Variants in ADAMTS12 observed in about 807,000 individuals in gnomAD.
ADAMTS12 encodes ADAM metallopeptidase with thrombospondin type 1 motif 12.
ADAMTS12 carries 118 observed loss-of-function variants against 167.8 expected under a neutral mutation model. The observed-to-expected ratio is 0.70, with a 90% CI of 0.61 to 0.82. The LOEUF (loss-of-function observed/expected upper bound fraction) is 0.82. Ranked by LOEUF, ADAMTS12 falls within the 40% of genes least tolerant of loss-of-function variation. The pLI is 0.00. For synonymous variants in ADAMTS12, 704 were observed against 716.9 expected (o/e 0.98, Z 0.29); for missense variants, 1,916 against 1,998.8 (o/e 0.96, Z 0.79).
chr5:33,615,796 C>T (rs1554027521), intron 15 of ADAMTS12, 32 bp downstream of exon 15: 17 of 1,612,576 alleles, frequency 1.1e-5, no homozygotes, highest in Non-Finnish European at 1.2e-5. Flanking sequence ...AACTAGCACA[C>T]ATGTCAGCAG....
At chr5:33,680,996 C>G (rs530319047) in intron 5 of ADAMTS12, among the ~76,000 whole-genome samples, 1 of 152,294 alleles carries the variant, frequency 6.6e-6, no homozygotes, top group Admixed American at 6.5e-5. Context: ...TCTAACTTTA[C>G]CACATCTGTG....
chr5:33,658,191 C>T lies in ADAMTS12; in HGVS notation c.1183G>A (p.Gly395Arg), dbSNP rs1173456335. 6.2e-7 allele frequency: 1 copy of T among 1,613,314 alleles called. No individual in the cohort carries two copies. The highest frequency in any genetic ancestry group is 1.3e-5 in the African/African-American group (1 of 74,868). ...CTATCATTGGCCCTTTACCTGTGTC[C>T]TAGCTCATGGGCAATTGTGAAAGCC... ...PLAFTIAHEL[G>R]HSFGIQHDGK... is the part of the protein sequence containing the mutation. The change falls in exon 7 of 24, where the codon GGA becomes AGA. Residue 395 changes from glycine (G) to arginine (R), a missense_variant. Transcript: ENST00000504830.
At chr5:33,677,954 A>G (rs1390068101) in intron 5 of ADAMTS12, among the ~76,000 whole-genome samples, 1 of 152,170 alleles carries the variant, frequency 6.6e-6, no homozygotes, top group Non-Finnish European at 1.5e-5. Context: ...ACTGACAAAC[A>G]TGCATTTTAT....
chr5:33,880,877 G>C, intron 2 of ADAMTS12: 1 of 485,372 alleles, frequency 2.1e-6, no homozygotes, highest in Non-Finnish European at 3.6e-6. Flanking sequence ...AACTGATGTT[G>C]CTGGTTGGAG....
At chr5:33,791,783 T>TG (rs1368776775) in intron 2 of ADAMTS12, among the ~76,000 whole-genome samples, 3 of 151,156 alleles carry the variant, frequency 2.0e-5, no homozygotes, top group African/African-American at 7.3e-5. Flanking sequence ...TTTTTTTTTT[T>TG]GGCCTTAGGA....
chr5:33,665,784 T>G (rs951365263), intron 5 of ADAMTS12, among the ~76,000 whole-genome samples: 19 of 152,206 alleles, frequency 1.2e-4, no homozygotes, highest in African/African-American at 4.6e-4. Flanking sequence ...GGTCCAGTGG[T>G]GGGCTGGACA....
At chr5:33,623,911 T>C (rs1209533375) in intron 14 of ADAMTS12, among the ~76,000 whole-genome samples, 4 of 152,178 alleles carry the variant, frequency 2.6e-5, no homozygotes, top group African/African-American at 9.7e-5. Flanking sequence ...TAATGCTGGA[T>C]CCTCTTGTGA....
At chr5:33,570,797 C>A (rs1343534572) in intron 19 of ADAMTS12, among the ~76,000 whole-genome samples, 1 of 150,556 alleles carries the variant, frequency 6.6e-6, no homozygotes, top group African/African-American at 2.4e-5. Flanking sequence ...AAGACACAGA[C>A]TGGCAAATTG....
intron 13 of ADAMTS12, among the ~76,000 whole-genome samples, chr5:33,625,811 CAGTACAATAA>C (rs1739562201): frequency 1.3e-5 from 2 of 152,082 alleles, no homozygotes; most frequent in Non-Finnish European, 2.9e-5. Flanking sequence ...GAGCTGCATG[CAGTACAATAA>C]AAACTGAATT....
intron 3 of ADAMTS12, among the ~76,000 whole-genome samples, chr5:33,692,970 G>T (rs1742606381): frequency 6.6e-6 from 1 of 152,164 alleles, no homozygotes; most frequent in Admixed American, 6.5e-5. Context: ...AACCTCATAT[G>T]TACTTTTAAA....
chr5:33,681,001 T>A (rs888026111), intron 5 of ADAMTS12, among the ~76,000 whole-genome samples: 1 of 152,206 alleles, frequency 6.6e-6, no homozygotes, highest in Non-Finnish European at 1.5e-5. Context: ...CTTTACCACA[T>A]CTGTGCCCCA....
intron 2 of ADAMTS12, among the ~76,000 whole-genome samples, chr5:33,800,421 C>T (rs1317122322): frequency 6.6e-6 from 1 of 152,170 alleles, no homozygotes; most frequent in East Asian, 1.9e-4. Flanking sequence ...GATATGTGGG[C>T]TTTCCAAAGA....
At chr5:33,624,200 C>T in intron 14 of ADAMTS12, 31 bp downstream of exon 14, 1 of 1,613,300 alleles carries the variant, frequency 6.2e-7, no homozygotes, top group Non-Finnish European at 8.5e-7. Flanking sequence ...CTTTGGTCCC[C>T]TGCCACTTCG....
intron 19 of ADAMTS12, among the ~76,000 whole-genome samples, chr5:33,568,947 G>A (rs187554606): frequency 7.2e-5 from 11 of 152,378 alleles, no homozygotes; most frequent in Non-Finnish European, 1.2e-4. Flanking sequence ...ATTATATCCC[G>A]TACCTGCCTT....
chr5:33,767,384 C>T (rs1745574713), intron 2 of ADAMTS12, among the ~76,000 whole-genome samples: 1 of 152,102 alleles, frequency 6.6e-6, no homozygotes, highest in African/African-American at 2.4e-5. Flanking sequence ...GCATTTGCTA[C>T]TGCTTTTCTT....
rs187025692 is a variant in ADAMTS12, at chr5:33,672,593, A to G, written c.915+10425T>C. On this transcript the variant is annotated intron_variant, in intron 5 of 23. Coordinates refer to ENST00000504830, the MANE Select transcript of ADAMTS12 (RefSeq NM_030955.4). ...TGGATCTGAAAAGCTCTACCTTTCA[A>G]TATTGTCCTTTTATACACTGGCTTC... is the stretch of plus-strand genomic sequence containing the variant. Among the ~76,000 whole-genome samples the G allele has an allele frequency of 2.5e-3, 376 of 152,286 alleles. 3 individuals are homozygous for G. Among genetic ancestry groups the G allele is most frequent in the African/African-American group, 8.7e-3 (361 of 41,548 alleles).
At chr5:33,615,714 C>T in intron 15 of ADAMTS12, 114 bp downstream of exon 15, 2 of 1,411,998 alleles carry the variant, frequency 1.4e-6, no homozygotes, top group Middle Eastern at 2.4e-4. Flanking sequence ...CTGCTCCTTG[C>T]TAAAAGAGGT....
intron 12 of ADAMTS12, among the ~76,000 whole-genome samples, chr5:33,636,944 G>A (rs1343624247): frequency 7.9e-5 from 12 of 152,120 alleles, no homozygotes. Flanking sequence ...ACATTCAGAT[G>A]TTTGATTTTA....
intron 14 of ADAMTS12, among the ~76,000 whole-genome samples, chr5:33,622,321 G>T (rs1368862304): frequency 1.3e-5 from 2 of 152,152 alleles, no homozygotes; most frequent in Admixed American, 6.5e-5. Context: ...TAGAAGAACA[G>T]CACCTCAGAG....
Sources: gnomAD v4.1 joint callset for allele counts (sites outside exome capture counted in the v4.1 genomes callset) on GRCh38, gnomAD v4.1.1 for gene constraint, MANE v1.5 for transcripts, NCBI Gene and HGNC (gene_info 2026-07-23, HGNC 2026-07-21) for gene names.